Variants in AKAP6 observed in about 807,000 individuals in gnomAD.
The protein encoded by AKAP6 is A-kinase anchoring protein 6, also known as A-kinase anchor protein 6.
Under a neutral mutation model 188.5 loss-of-function variants are expected in AKAP6, and 58 were observed. The observed-to-expected ratio is 0.31, with a 90% CI of 0.25 to 0.38. AKAP6 has a LOEUF of 0.38. Ranked by LOEUF, AKAP6 falls within the 10% of genes least tolerant of loss-of-function variation. The pLI is 1.00. For missense variants in AKAP6, 2,710 were observed against 2,740.0 expected (o/e 0.99, Z 0.24); for synonymous variants, 989 against 998.6 (o/e 0.99, Z 0.18).
intron 4 of AKAP6, among the ~76,000 whole-genome samples, chr14:32,566,594 AT>A (rs1218178942): frequency 2.6e-5 from 4 of 152,048 alleles, no homozygotes; most frequent in East Asian, 1.9e-4. Flanking sequence ...CTCTCAATAA[AT>A]TTTTTTTGAA....
intron 12 of AKAP6, among the ~76,000 whole-genome samples, chr14:32,816,478 G>A (rs192901851): frequency 1.3e-5 from 2 of 152,244 alleles, no homozygotes; most frequent in East Asian, 1.9e-4. Context: ...TTACAAGCAC[G>A]AGCCACTGTA....
At chr14:32,483,020 G>T (rs926708236) in intron 2 of AKAP6, among the ~76,000 whole-genome samples, 1 of 57,962 alleles carries the variant, frequency 1.7e-5, no homozygotes, top group East Asian at 1.5e-3. Context: ...TATGTATCTT[G>T]CATTGGTAAT....
chr14:32,703,482 C>T (rs1374695207), intron 9 of AKAP6, among the ~76,000 whole-genome samples: 1 of 152,120 alleles, frequency 6.6e-6, no homozygotes, highest in Non-Finnish European at 1.5e-5. Flanking sequence ...TAATAACAAC[C>T]TTCCGGAACA....
rs1880905828 is a variant in AKAP6 at position 32,506,873 on chromosome 14, C to G, written c.325-28681C>G. 4.6e-5 allele frequency among the ~76,000 whole-genome samples: 7 copies of G among 152,194 alleles called. 1 individual carries two copies. In the South Asian group the frequency reaches 1.5e-3, roughly 32 times the overall value. ...TTTACCTCAAAAAAATTGCGCATCT[C>G]TTTTTCTCTGTGTGCATGTATAATT... On this transcript the variant is annotated intron_variant, in intron 2 of 13. Transcript: ENST00000280979.
At position 32,348,416 on chromosome 14, in the gene AKAP6, TC is replaced by T. The variant is rs375165147; in HGVS notation, c.-35+19009del. 6.0e-3 allele frequency among the ~76,000 whole-genome samples: 470 copies of T among 78,854 alleles called. 9 individuals are homozygous for T. The highest frequency in any genetic ancestry group is 0.016 in the African/African-American group (246 of 15,078). 51.7% of individuals were successfully genotyped at this position (78,854 alleles called of 152,430 possible). On this transcript the variant is annotated intron_variant, in intron 1 of 13. Coordinates refer to ENST00000280979, the MANE Select transcript of AKAP6 (RefSeq NM_004274.5). ...ATGGGGTTCTTTCTTTTCTTTTGTT[TC>T]TTTTTTTTTTTTTTTTTTAAGAGTT...
At chr14:32,672,674 G>C (rs553068237) in intron 7 of AKAP6, among the ~76,000 whole-genome samples, 1 of 152,154 alleles carries the variant, frequency 6.6e-6, no homozygotes, top group South Asian at 2.1e-4. Flanking sequence ...TAGGAATTTG[G>C]GGGTGAGGGG....
chr14:32,762,906 G>A (rs183301281), intron 11 of AKAP6, among the ~76,000 whole-genome samples: 35 of 152,062 alleles, frequency 2.3e-4, no homozygotes, highest in African/African-American at 7.0e-4. Flanking sequence ...AGGTGATTGC[G>A]GTAACTTTAG....
chr14:32,786,298 C>CTTTTTTTTTTTTTTTTTTTTT lies in AKAP6; in HGVS notation c.3588+12412_3588+12432dup, dbSNP rs1162974012. Among the ~76,000 whole-genome samples the CTTTTTTTTTTTTTTTTTTTTT allele has an allele frequency of 1.8e-4, 15 of 82,558 alleles. 3 individuals carry two copies. The highest frequency in any genetic ancestry group is 3.0e-4 in the Non-Finnish European group (14 of 46,668). The allele number at this position is 82,558 out of a possible 152,430, so 54.2% of individuals were successfully genotyped here. A position where few individuals can be genotyped will look rare whatever the true frequency, so the allele number is the denominator to read the frequency against. ...CCCTCTGAAAGACCTAAACCTTTAT[C>CTTTTTTTTTTTTTTTTTTTTT]TTTTTTTTTTTTTTTTTTTTTTTTT... On this transcript the variant is annotated intron_variant, in intron 12 of 13. Coordinates refer to ENST00000280979, the MANE Select transcript of AKAP6 (RefSeq NM_004274.5).
intron 1 of AKAP6, among the ~76,000 whole-genome samples, chr14:32,431,530 G>A (rs933368259): frequency 3.3e-5 from 5 of 151,908 alleles, no homozygotes; most frequent in East Asian, 3.9e-4. Context: ...TTTTTGAGAC[G>A]TAGTTTCACT....
intron 1 of AKAP6, chr14:32,417,927 G>A (rs1384510454): frequency 6.6e-6 from 1 of 152,070 alleles, no homozygotes; most frequent in African/African-American, 2.4e-5. Flanking sequence ...ATCATTTCTT[G>A]TTTAGGAAAC....
intron 5 of AKAP6, among the ~76,000 whole-genome samples, chr14:32,593,292 G>A (rs1230840659): frequency 6.6e-6 from 1 of 152,198 alleles, no homozygotes; most frequent in Non-Finnish European, 1.5e-5. Context: ...AATGGTCAGG[G>A]TTTGTTGATT....
At chr14:32,465,186 T>G (rs1419153218) in intron 2 of AKAP6, among the ~76,000 whole-genome samples, 1 of 152,148 alleles carries the variant, frequency 6.6e-6, no homozygotes, top group African/African-American at 2.4e-5. Context: ...AAATATTCAG[T>G]GCTATTCCCA....
chr14:32,540,168 C>CTCTCTATATATATATATATA (rs1240063339), intron 3 of AKAP6, among the ~76,000 whole-genome samples: 4 of 60,918 alleles, frequency 6.6e-5, no homozygotes, highest in African/African-American at 3.9e-4. Flanking sequence ...CTCTCTCTCT[C>CTCTCTATATATATATATATA]TATATATATA....
intron 9 of AKAP6, among the ~76,000 whole-genome samples, chr14:32,723,656 G>T (rs1417276896): frequency 6.6e-6 from 1 of 151,722 alleles, no homozygotes; most frequent in Admixed American, 6.6e-5. Flanking sequence ...TTTCCACAGG[G>T]TAATAGCTGG....
intron 12 of AKAP6, among the ~76,000 whole-genome samples, chr14:32,797,796 A>G (rs1334922636): frequency 6.6e-6 from 1 of 152,114 alleles, no homozygotes; most frequent in Non-Finnish European, 1.5e-5. Context: ...GAAAAAAAAA[A>G]CAACCCTAGA....
At chr14:32,501,916 C>T (rs545773262) in intron 2 of AKAP6, among the ~76,000 whole-genome samples, 1 of 152,232 alleles carries the variant, frequency 6.6e-6, no homozygotes, top group East Asian at 1.9e-4. Flanking sequence ...CCTATTACTT[C>T]TGTTTTAGAA....
At chr14:32,804,215 A>T (rs2034029332) in intron 12 of AKAP6, among the ~76,000 whole-genome samples, 2 of 152,148 alleles carry the variant, frequency 1.3e-5, no homozygotes, top group Admixed American at 6.5e-5. Flanking sequence ...CCTTCCTCAC[A>T]TCAACTTTTA....
intron 7 of AKAP6, among the ~76,000 whole-genome samples, chr14:32,671,050 G>A (rs1285484625): frequency 6.6e-6 from 1 of 152,070 alleles, no homozygotes; most frequent in Non-Finnish European, 1.5e-5. Flanking sequence ...AGGGAAGATG[G>A]ACAATATAAA....
intron 1 of AKAP6, among the ~76,000 whole-genome samples, chr14:32,408,451 G>A (rs1464362339): frequency 6.6e-6 from 1 of 150,994 alleles, no homozygotes; most frequent in Admixed American, 6.6e-5. Context: ...AGTGTTCAGA[G>A]TAATTGACGG....
Sources: gnomAD v4.1 joint callset for allele counts (sites outside exome capture counted in the v4.1 genomes callset) on GRCh38, gnomAD v4.1.1 for gene constraint, MANE v1.5 for transcripts, NCBI Gene and HGNC (gene_info 2026-07-23, HGNC 2026-07-21) for gene names.